Variants in PRMT9 observed in about 807,000 individuals in gnomAD.
PRMT9 encodes the protein protein arginine N-methyltransferase 9.
PRMT9 carries 59 observed loss-of-function variants against 83.2 expected under a neutral mutation model. That is an observed-to-expected ratio of 0.71 (90% CI 0.57 to 0.88). The LOEUF (loss-of-function observed/expected upper bound fraction) is 0.88. PRMT9 is among the 40% of genes least tolerant of loss of function. The pLI, the probability that PRMT9 is intolerant of heterozygous loss-of-function variation, is 0.00. For synonymous variants in PRMT9, 333 were observed against 353.2 expected (o/e 0.94, Z 0.64); for missense variants, 947 against 1,021.9 (o/e 0.93, Z 1.00).
intron 2 of PRMT9, among the ~76,000 whole-genome samples, chr4:147,678,137 G>C (rs1033714795): frequency 1.3e-5 from 2 of 152,186 alleles, no homozygotes; most frequent in Non-Finnish European, 2.9e-5. Context: ...AAAGGTAGCA[G>C]ATTGATTGTT....
intron 7 of PRMT9, 28 bp from the exon 8 acceptor site, chr4:147,658,003 G>T: frequency 1.4e-6 from 2 of 1,451,368 alleles, no homozygotes; most frequent in South Asian, 1.2e-5. Flanking sequence ...GGAATGAAAC[G>T]GTTTTATATA....
intron 6 of PRMT9, among the ~76,000 whole-genome samples, chr4:147,665,686 G>A (rs1376927973): frequency 6.6e-6 from 1 of 152,238 alleles, no homozygotes; most frequent in African/African-American, 2.4e-5. Context: ...CAAGATCTGG[G>A]TTCTAGGTAT....
intron 6 of PRMT9, among the ~76,000 whole-genome samples, chr4:147,664,742 A>C (rs1032940948): frequency 6.6e-6 from 1 of 152,254 alleles, no homozygotes; most frequent in Admixed American, 6.5e-5. Context: ...ACCATGGCAC[A>C]TGTATACCTA....
intron 11 of PRMT9, 68 bp downstream of exon 11, chr4:147,638,891 AG>A: frequency 6.9e-7 from 1 of 1,458,758 alleles, no homozygotes; most frequent in Non-Finnish European, 9.6e-7. Flanking sequence ...TATGTATAAA[AG>A]TATTACCTAA....
Position 147,638,688 on chromosome 4 carries a change from A to G in PRMT9, c.2382T>C (p.Leu794=), listed in dbSNP as rs1733169882. ...TAIPFWYHMY[L]DEEIRLDTSS... is the part of the protein sequence containing the mutation. ...AAGTATCCAACCTAATCTCTTCATC[A>G]AGGTACATATGATACCAAAATGGAA... Residue 794 remains leucine, a synonymous_variant, in exon 12 of 12, where the codon CTT becomes CTC. Transcript: ENST00000322396. 6.2e-7 allele frequency: 1 copy of G among 1,613,800 alleles called. No individual in the cohort carries two copies. The highest frequency in any genetic ancestry group is 8.5e-7 in the Non-Finnish European group (1 of 1,179,750).
rs189836501 is a variant in PRMT9, at chr4:147,684,133, C to A, written c.-146G>T. ...CTCCGCCGCGGGTGAACTCGCCAAC[C>A]CCAGCCCAGGCGGAAGCTCCGCCCC... is the stretch of plus-strand genomic sequence containing the variant. On this transcript the variant is annotated 5_prime_UTR_variant, in exon 1 of 12. Transcript: ENST00000322396. 6.3e-6 allele frequency: 6 copies of A among 953,490 alleles called. No homozygotes were observed. In the East Asian group the frequency reaches 7.9e-5, roughly 12 times the overall value. 59.1% of individuals were successfully genotyped at this position (953,490 alleles called of 1,614,324 possible).
chr4:147,660,653 G>A (rs1173898699), intron 7 of PRMT9, among the ~76,000 whole-genome samples, 193 bp downstream of exon 7: 1 of 151,830 alleles, frequency 6.6e-6, no homozygotes, highest in African/African-American at 2.4e-5. Context: ...AGAAAGGAAA[G>A]AAAAGCAAGG....
At chr4:147,658,905 C>T (rs553534150) in intron 7 of PRMT9, among the ~76,000 whole-genome samples, 1 of 152,252 alleles carries the variant, frequency 6.6e-6, no homozygotes, top group East Asian at 1.9e-4. Context: ...TGGGGCCGGG[C>T]ACGGTTGCTC....
intron 10 of PRMT9, 72 bp from the exon 11 acceptor site, chr4:147,639,154 A>G (rs1355395690): frequency 6.6e-7 from 1 of 1,515,680 alleles, no homozygotes; most frequent in Admixed American, 1.7e-5. Flanking sequence ...TCACTTTTAC[A>G]CATTCCTTTT....
intron 6 of PRMT9, among the ~76,000 whole-genome samples, chr4:147,666,402 A>T (rs1333292838): frequency 6.6e-6 from 1 of 152,192 alleles, no homozygotes; most frequent in African/African-American, 2.4e-5. Context: ...CCCAGAATTA[A>T]AAGTAGGGAT....
At chr4:147,656,771 CAAAA>C (rs1023416920) in intron 8 of PRMT9, among the ~76,000 whole-genome samples, 5 of 47,952 alleles carry the variant, frequency 1.0e-4, no homozygotes, top group African/African-American at 4.2e-4. Flanking sequence ...GACTCTGTCT[CAAAA>C]AAAAAAAAAA....
In PRMT9 at chr4:147,683,733, C is replaced by CTATTT. The variant is rs1232857039; in HGVS notation, c.189+65_189+66insAAATA. 19 of 489,658 alleles carry CTATTT rather than the reference C, an allele frequency of 3.9e-5. 2 individuals are homozygous for CTATTT. The highest frequency in any genetic ancestry group is 7.2e-5 in the South Asian group (3 of 41,526). The allele number at this position is 489,658 out of a possible 1,614,324, so 30.3% of individuals were successfully genotyped here. A position where few individuals can be genotyped will look rare whatever the true frequency, so the allele number is the denominator to read the frequency against. On this transcript the variant is annotated intron_variant, in intron 1 of 11. Transcript: ENST00000322396. ...CTAGCCCCTCCGCTTTTTTTTTTTT[C>CTATTT]TGTTTTTTTTTTTTTTTTTACGAGG...
Position 147,660,854 on chromosome 4 carries a change from T to G in PRMT9, c.1138A>C (p.Asn380His). 1 of 1,610,670 alleles carries G rather than the reference T, an allele frequency of 6.2e-7. No individual in the cohort carries two copies. The highest frequency in any genetic ancestry group is 8.5e-7 in the Non-Finnish European group (1 of 1,177,052). The change falls in exon 7 of 12, where the codon AAC becomes CAC. Residue 380 changes from asparagine (N) to histidine (H), a missense_variant. By Grantham distance (68) the Asn-to-His change is moderately conservative. Transcript: ENST00000322396. The stretch of plus-strand genomic sequence containing the variant: ...AACTGAATTTTTTTCACCTGAAGGT[T>G]GTTGAAATCTACTGTCATAATTTCA... ...CFEIMTVDFN[N>H]LQELKSLATK...
rs1203055104 is a variant in PRMT9 at position 147,638,440 on chromosome 4, A to C, written c.*92T>G. 4 of 897,298 alleles carry C rather than the reference A, an allele frequency of 4.5e-6. No individual in the cohort carries two copies. The highest frequency in any genetic ancestry group is 7.4e-6 in the Non-Finnish European group (4 of 541,460). The allele number at this position is 897,298 out of a possible 1,614,324, so 55.6% of individuals were successfully genotyped here. A position where few individuals can be genotyped will look rare whatever the true frequency, so the allele number is the denominator to read the frequency against. On this transcript the variant is annotated 3_prime_UTR_variant, in exon 12 of 12. Coordinates refer to ENST00000322396, the MANE Select transcript of PRMT9 (RefSeq NM_138364.4). ...CAATTTTAAAAAATATTTGACCATT[A>C]CAAGGAATTTTTATATACCCCCACT...
rs114371340 is a variant in PRMT9, at chr4:147,641,171, A to G, written c.2199+1616T>C. Among the ~76,000 whole-genome samples, 1,243 of 152,298 alleles carry G rather than the reference A, an allele frequency of 8.2e-3. 17 individuals carry two copies. Among genetic ancestry groups the G allele is most frequent in the African/African-American group, 0.028 (1,180 of 41,562 alleles). On this transcript the variant is annotated intron_variant, in intron 10 of 11. Coordinates refer to ENST00000322396, the MANE Select transcript of PRMT9 (RefSeq NM_138364.4). ...TTATTCCTAACACAGCAACCACAGC[A>G]AGCCCTTCAAAACATAAGTCACATC...
At chr4:147,652,732 C>G (rs200928082) in intron 9 of PRMT9, among the ~76,000 whole-genome samples, 3 of 138,668 alleles carry the variant, frequency 2.2e-5, no homozygotes, top group Non-Finnish European at 3.0e-5. Context: ...AACGAAAAAA[C>G]AAAAAAAAAA....
intron 9 of PRMT9, among the ~76,000 whole-genome samples, chr4:147,643,264 CT>C (rs1282671369): frequency 6.6e-6 from 1 of 151,966 alleles, no homozygotes; most frequent in Non-Finnish European, 1.5e-5. Context: ...GAGACTCTGT[CT>C]CAAAAAATCA....
At chr4:147,668,339 GTC>G (rs138103738) in intron 6 of PRMT9, among the ~76,000 whole-genome samples, 198 bp downstream of exon 6, 359 of 148,476 alleles carry the variant, frequency 2.4e-3, no homozygotes, top group Non-Finnish European at 2.6e-3. Flanking sequence ...GTCTCGTGCT[GTC>G]TCTCTCTCTC....
At chr4:147,649,787 G>C (rs1021722527) in intron 9 of PRMT9, among the ~76,000 whole-genome samples, 2 of 152,162 alleles carry the variant, frequency 1.3e-5, no homozygotes, top group African/African-American at 4.8e-5. Flanking sequence ...TTACAGGCAT[G>C]AGCCACCGCA....
Sources: gnomAD v4.1 joint callset for allele counts (sites outside exome capture counted in the v4.1 genomes callset) on GRCh38, gnomAD v4.1.1 for gene constraint, MANE v1.5 for transcripts, NCBI Gene and HGNC (gene_info 2026-07-23, HGNC 2026-07-21) for gene names.